BDP1: variants seen among roughly 807,000 people sequenced by gnomAD.
The protein encoded by BDP1 is transcription factor TFIIIB component B'' homolog.
BDP1 carries 169 observed loss-of-function variants against 266.6 expected under a neutral mutation model. The observed-to-expected ratio is 0.63, with a 90% CI of 0.56 to 0.72. The LOEUF (loss-of-function observed/expected upper bound fraction) is 0.72, where lower values mean the gene tolerates loss of function less well. Among genes scored for constraint, BDP1 ranks in the 30% least tolerant of loss-of-function variants. The pLI is 0.00. For synonymous variants in BDP1, 1,090 were observed against 1,022.4 expected (o/e 1.07, Z -1.26); for missense variants, 3,015 against 3,053.8 (o/e 0.99, Z 0.30).
intron 15 of BDP1, 108 bp downstream of exon 15, chr5:71,502,899 A>G (rs1764340596): frequency 2.4e-6 from 2 of 838,872 alleles, no homozygotes; most frequent in South Asian, 2.0e-5. Flanking sequence ...ACATTTATTT[A>G]TTTATTTATG....
In BDP1 at chr5:71,495,310, G is replaced by T; in HGVS notation, c.1701G>T (p.Leu567Phe). ...TESSESSTSD[L>F]PSFEVGIRAL... ...CTTCAGAATCAAGCACTTCAGATTTGCCTTCATTCGAAGTTGGAATTAGAG... is the reference window on the plus strand; with the variant it reads ...CTTCAGAATCAAGCACTTCAGATTTTCCTTCATTCGAAGTTGGAATTAGAG... Residue 567 changes from leucine (L) to phenylalanine (F), a missense_variant, in exon 12 of 39, where the codon TTG becomes TTT. Physicochemically the swap from Leu to Phe is conservative, Grantham distance 22. Coordinates refer to ENST00000358731, the MANE Select transcript of BDP1 (RefSeq NM_018429.3). 1 of 1,606,812 alleles carries T rather than the reference G, an allele frequency of 6.2e-7. No individual in the cohort carries two copies. The highest frequency in any genetic ancestry group is 8.5e-7 in the Non-Finnish European group (1 of 1,175,890).
At chr5:71,495,907 TCTTC>T (rs1763859217) in intron 12 of BDP1, among the ~76,000 whole-genome samples, 1 of 152,124 alleles carries the variant, frequency 6.6e-6, no homozygotes, top group Admixed American at 6.6e-5. Flanking sequence ...TTCCTTTTAG[TCTTC>T]CTTGTAATTC....
chr5:71,492,954 C>A (rs935675397), intron 11 of BDP1, among the ~76,000 whole-genome samples: 35 of 152,138 alleles, frequency 2.3e-4, no homozygotes, highest in Admixed American at 2.0e-3. Flanking sequence ...TGCAGTAATT[C>A]CTCATTCTCC....
chr5:71,541,514 TAGA>T lies in BDP1; in HGVS notation c.6084_6086del (p.Asp2029del). On this transcript the variant is annotated inframe_deletion, in exon 29 of 39. Coordinates refer to ENST00000358731, the MANE Select transcript of BDP1 (RefSeq NM_018429.3). ...GATAAAAGCCATATTCCTTCTAGCC[TAGA>T]TAATGTAAATCACAAAATTGTTCAT... 2 of 1,609,992 alleles carry T rather than the reference TAGA, an allele frequency of 1.2e-6. No homozygotes were observed. The highest frequency in any genetic ancestry group is 2.2e-5 in the East Asian group (1 of 44,690).
intron 2 of BDP1, among the ~76,000 whole-genome samples, chr5:71,460,385 A>C (rs779960520): frequency 1.3e-5 from 2 of 152,250 alleles, no homozygotes; most frequent in African/African-American, 2.4e-5. Flanking sequence ...GTCTCAAAAA[A>C]AACCAACCAA....
intron 7 of BDP1, among the ~76,000 whole-genome samples, chr5:71,472,962 A>G (rs929458754): frequency 7.9e-6 from 1 of 126,152 alleles, no homozygotes; most frequent in African/African-American, 3.1e-5. Context: ...TGGTGCTATC[A>G]TGGCTCACCT....
At chr5:71,562,614 G>C in intron 38 of BDP1, 94 bp downstream of exon 38, 2 of 1,510,680 alleles carry the variant, frequency 1.3e-6, no homozygotes. Flanking sequence ...ATTTTTATTT[G>C]ATGTCAGAAA....
In BDP1 at chr5:71,551,893, A is replaced by G. The variant is rs13162924; in HGVS notation, c.6996-1223A>G. On this transcript the variant is annotated intron_variant, in intron 34 of 38. Transcript: ENST00000358731. ...CACCTCCCGGACGGGGCAGCTGGCC[A>G]GGCGGGGGGCTGACCCCCCCACCTC... Among the ~76,000 whole-genome samples, 121 of 128,010 alleles carry G rather than the reference A, an allele frequency of 9.5e-4. 2 individuals carry two copies. In the South Asian group the frequency reaches 0.019, roughly 20 times the overall value. The allele number at this position is 128,010 out of a possible 152,430, so 84.0% of individuals were successfully genotyped here.
intron 13 of BDP1, among the ~76,000 whole-genome samples, chr5:71,499,688 A>T (rs977299845): frequency 6.6e-6 from 1 of 152,134 alleles, no homozygotes; most frequent in Non-Finnish European, 1.5e-5. Flanking sequence ...TTTGGGTCCA[A>T]TTGATCTTTT....
intron 6 of BDP1, among the ~76,000 whole-genome samples, chr5:71,468,822 G>C (rs1223524450): frequency 6.6e-6 from 1 of 150,776 alleles, no homozygotes; most frequent in East Asian, 2.0e-4. Flanking sequence ...GGCCAGGCTG[G>C]TCTCGAACTC....
rs774851248 is a variant in BDP1 at position 71,491,026 on chromosome 5, G to C, written c.1535G>C (p.Cys512Ser). The change falls in exon 11 of 39, where the codon TGC (cysteine) becomes TCC (serine). Residue 512 changes from cysteine to serine, a missense_variant. This residue lies in a region of BDP1 where 2,383 missense variants were observed against 2,404.9 expected (regional missense o/e 0.99). Transcript: ENST00000358731. ...AGGCCTGAGCTAAAGGAAGGTGAAT[G>C]CAGTAAGGAGCAGATGCTTTCCTGC... ...AIRPELKEGECSKEQMLSCTQ... is the reference protein window; with the variant it reads ...AIRPELKEGESSKEQMLSCTQ... 6.8e-6 allele frequency: 11 copies of C among 1,613,764 alleles called. No individual in the cohort carries two copies. Among genetic ancestry groups the C allele is most frequent in the Middle Eastern group, 1.7e-4 (1 of 6,060 alleles).
intron 1 of BDP1, among the ~76,000 whole-genome samples, chr5:71,457,330 GT>G (rs953152208): frequency 1.5e-4 from 16 of 108,988 alleles, no homozygotes; most frequent in African/African-American, 3.4e-4. Context: ...TTTTTAATTA[GT>G]TTTTTTTTTA....
In BDP1 at chr5:71,551,003, G is replaced by T. The variant is rs529581644; in HGVS notation, c.6995+1397G>T. Among the ~76,000 whole-genome samples, 7 of 152,272 alleles carry T rather than the reference G, an allele frequency of 4.6e-5. No homozygotes were observed. In the South Asian group the frequency reaches 1.0e-3, roughly 23 times the overall value. The stretch of plus-strand genomic sequence containing the variant: ...TTACAGACGTGAGCCACTGCGCCTG[G>T]ACTAGAAGGGACATTTTAGGTTAAA... On this transcript the variant is annotated intron_variant, in intron 34 of 38. Coordinates refer to ENST00000358731, the MANE Select transcript of BDP1 (RefSeq NM_018429.3).
chr5:71,571,647 T>C (rs1279141537), downstream of BDP1, among the ~76,000 whole-genome samples: 2 of 152,128 alleles, frequency 1.3e-5, no homozygotes, highest in Non-Finnish European at 2.9e-5. Flanking sequence ...TATTTATTTA[T>C]TTTTGAGATG....
At position 71,456,127 on chromosome 5, in the gene BDP1, G is replaced by C. The variant is rs771746379; in HGVS notation, c.212+38G>C. On this transcript the variant is annotated intron_variant, in intron 1 of 38. Transcript: ENST00000358731. ...AGAGGGAAGAATTTTCATTTGTCCC[G>C]CCTCTCCGGGCATGTCACCTGGAAG... 3.8e-6 allele frequency: 6 copies of C among 1,570,820 alleles called. No homozygotes were observed. The East Asian group carries it at 1.3e-4, about 35-fold the overall frequency.
downstream of BDP1, among the ~76,000 whole-genome samples, chr5:71,570,879 G>A (rs543357513): frequency 1.3e-5 from 2 of 152,288 alleles, no homozygotes; most frequent in South Asian, 2.1e-4. Flanking sequence ...TGGTTAGGGG[G>A]TGTCTGAATA....
chr5:71,479,555 CT>C (rs935733501), intron 7 of BDP1, among the ~76,000 whole-genome samples: 4 of 145,274 alleles, frequency 2.8e-5, no homozygotes, highest in African/African-American at 1.0e-4. Context: ...TTTTCTTTTT[CT>C]TTTTTTTTGA....
chr5:71,507,995 T>G (rs111311323), intron 16 of BDP1, among the ~76,000 whole-genome samples: 1 of 152,216 alleles, frequency 6.6e-6, no homozygotes, highest in African/African-American at 2.4e-5. Flanking sequence ...AGACAGAGTC[T>G]TACTCTGTTG....
At chr5:71,526,062 C>T (rs1480093520) in intron 25 of BDP1, among the ~76,000 whole-genome samples, 2 of 152,194 alleles carry the variant, frequency 1.3e-5, no homozygotes, top group African/African-American at 2.4e-5. Flanking sequence ...GCTGCAATCT[C>T]GGCACTTTGG....
Sources: gnomAD v4.1 joint callset for allele counts (sites outside exome capture counted in the v4.1 genomes callset) on GRCh38, gnomAD v4.1.1 for gene constraint, gnomAD v4.1.1 regional missense constraint, MANE v1.5 for transcripts, NCBI Gene and HGNC (gene_info 2026-07-23, HGNC 2026-07-21) for gene names.